The following ARL15 variants were observed in gnomAD, a reference collection of about 807,000 sequenced individuals.
ARL15 encodes the protein ARF like GTPase 15.
A neutral mutation model predicts 25.2 loss-of-function variants in ARL15; 19 were observed. The ratio of observed to expected loss-of-function variants is 0.75; its 90% CI spans 0.53 to 1.10. ARL15 has a LOEUF of 1.10. Among genes scored for constraint, ARL15 ranks in the 50% least tolerant of loss-of-function variants. The probability of loss-of-function intolerance (pLI) is 0.00; values close to 1 mark genes in which losing one functional copy is unlikely to be tolerated. For synonymous variants in ARL15, 94 were observed against 86.8 expected (o/e 1.08, Z -0.46); for missense variants, 220 against 246.0 (o/e 0.89, Z 0.71).
At chr5:54,204,024 T>C (rs1561265485) in intron 1 of ARL15, among the ~76,000 whole-genome samples, 1 of 152,128 alleles carries the variant, frequency 6.6e-6, no homozygotes, top group African/African-American at 2.4e-5. Flanking sequence ...TTTGTTTGTT[T>C]TTAATATTAT....
chr5:54,177,713 T>C (rs1579877271), intron 1 of ARL15, among the ~76,000 whole-genome samples: 1 of 152,158 alleles, frequency 6.6e-6, no homozygotes, highest in Admixed American at 6.5e-5. Flanking sequence ...ATTTCTACCT[T>C]AATGACTCCG....
intron 4 of ARL15, among the ~76,000 whole-genome samples, chr5:54,031,829 C>A (rs1296921837): frequency 2.6e-5 from 4 of 152,076 alleles, no homozygotes; most frequent in Admixed American, 2.0e-4. Context: ...CAATCCCCAA[C>A]ACACACACAC....
Position 54,016,195 on chromosome 5 carries a change from G to A in ARL15, c.462+97007C>T, listed in dbSNP as rs147539302. ...GGCTTGGTTGTTGAACATTCAGAGGGTAGAGAGAAAGTTCTCTCTCCCTTA... is the reference window on the plus strand; with the variant it reads ...GGCTTGGTTGTTGAACATTCAGAGGATAGAGAGAAAGTTCTCTCTCCCTTA... On this transcript the variant is annotated intron_variant, in intron 4 of 4. Coordinates refer to ENST00000504924, the MANE Select transcript of ARL15 (RefSeq NM_019087.3). 3.2e-4 allele frequency among the ~76,000 whole-genome samples: 48 copies of A among 152,270 alleles called. 1 individual carries two copies. The East Asian group carries it at 7.9e-3, about 25-fold the overall frequency.
chr5:53,967,695 C>G (rs138766709), intron 4 of ARL15, among the ~76,000 whole-genome samples: 12 of 152,264 alleles, frequency 7.9e-5, no homozygotes, highest in African/African-American at 2.9e-4. Flanking sequence ...TAGGAATCAT[C>G]TGCATGTGAG....
chr5:53,935,217 T>C (rs1194700757), intron 4 of ARL15, among the ~76,000 whole-genome samples: 1 of 152,186 alleles, frequency 6.6e-6, no homozygotes, highest in African/African-American at 2.4e-5. Flanking sequence ...GAAAACATAC[T>C]CATAGCCTAA....
At chr5:54,216,632 TG>T (rs1407207322) in intron 1 of ARL15, among the ~76,000 whole-genome samples, 1 of 142,194 alleles carries the variant, frequency 7.0e-6, no homozygotes, top group East Asian at 1.9e-4. Context: ...TATATGTATG[TG>T]TACACACACA....
intron 1 of ARL15, among the ~76,000 whole-genome samples, chr5:54,230,142 G>C (rs867351884): frequency 6.6e-6 from 1 of 151,970 alleles, no homozygotes; most frequent in Non-Finnish European, 1.5e-5. Context: ...ACAAGGTCAG[G>C]AGTTCAAGAC....
chr5:54,221,743 A>T (rs868541359), intron 1 of ARL15, among the ~76,000 whole-genome samples: 11 of 151,974 alleles, frequency 7.2e-5, no homozygotes, highest in African/African-American at 2.4e-4. Flanking sequence ...GATAAATAAA[A>T]TCTCTGTCAA....
Position 54,163,355 on chromosome 5 carries a change from GCTTTTTTTTTTTTTT to G in ARL15, c.193+8414_193+8428del, listed in dbSNP as rs1754470451. Among the ~76,000 whole-genome samples, 4 of 51,344 alleles carry G rather than the reference GCTTTTTTTTTTTTTT, an allele frequency of 7.8e-5. 1 individual carries two copies. The highest frequency in any genetic ancestry group is 4.3e-4 in the Admixed American group (2 of 4,680). 33.7% of individuals were successfully genotyped at this position (51,344 alleles called of 152,430 possible). A position where few individuals can be genotyped will look rare whatever the true frequency, so the allele number is the denominator to read the frequency against. On this transcript the variant is annotated intron_variant, in intron 2 of 4. Transcript: ENST00000504924. Reference sequence around the variant, plus strand: ...TGTCCATGAGGGCTATTGGTATGAAGCTTTTTTTTTTTTTTTTTTTTTTTTTTTTTTTTTTTTTTG... The same window carrying G: ...TGTCCATGAGGGCTATTGGTATGAAGTTTTTTTTTTTTTTTTTTTTTTTTG...
intron 3 of ARL15, among the ~76,000 whole-genome samples, chr5:54,145,013 TTTC>T (rs1305450473): frequency 1.3e-5 from 2 of 152,238 alleles, no homozygotes; most frequent in Admixed American, 1.3e-4. Flanking sequence ...TTTGTCTTGC[TTTC>T]TTTTCTTTGT....
intron 4 of ARL15, among the ~76,000 whole-genome samples, chr5:54,045,745 G>A (rs1452962987): frequency 1.3e-5 from 2 of 152,148 alleles, no homozygotes; most frequent in Non-Finnish European, 2.9e-5. Flanking sequence ...TGTAGGTTCA[G>A]AAATGACTTA....
intron 4 of ARL15, among the ~76,000 whole-genome samples, chr5:54,064,588 C>G (rs34910986): frequency 0.015 from 2,310 of 152,322 alleles, 20 homozygotes; most frequent in Admixed American, 0.021. Flanking sequence ...CTGAATACTT[C>G]TCCCAAGTCT....
chr5:54,002,714 G>A (rs894060946), intron 4 of ARL15, among the ~76,000 whole-genome samples: 7 of 152,186 alleles, frequency 4.6e-5, no homozygotes, highest in African/African-American at 7.2e-5. Flanking sequence ...TATTAAGTCA[G>A]GACACTGATC....
chr5:54,060,399 C>A (rs116159426), intron 4 of ARL15, among the ~76,000 whole-genome samples: 1 of 152,244 alleles, frequency 6.6e-6, no homozygotes, highest in East Asian at 1.9e-4. Flanking sequence ...CCTGCCACTG[C>A]GCAGCAGCCT....
At chr5:54,194,908 G>A (rs1027688045) in intron 1 of ARL15, among the ~76,000 whole-genome samples, 3 of 152,098 alleles carry the variant, frequency 2.0e-5, no homozygotes, top group Non-Finnish European at 2.9e-5. Context: ...TTCTAGTCAT[G>A]CTCCTTCAAA....
At chr5:54,036,020 T>C (rs1166894889) in intron 4 of ARL15, among the ~76,000 whole-genome samples, 1 of 152,072 alleles carries the variant, frequency 6.6e-6, no homozygotes, top group Non-Finnish European at 1.5e-5. Context: ...TGGTGGTGCA[T>C]GCCTACAGAG....
intron 1 of ARL15, among the ~76,000 whole-genome samples, chr5:54,192,575 A>G (rs1755436689): frequency 6.8e-6 from 1 of 146,780 alleles, no homozygotes; most frequent in Non-Finnish European, 1.5e-5. Context: ...AATTTGGCAA[A>G]TCTTATACTT....
chr5:53,986,281 T>C (rs934070642), intron 4 of ARL15, among the ~76,000 whole-genome samples: 2 of 152,156 alleles, frequency 1.3e-5, no homozygotes, highest in Non-Finnish European at 1.5e-5. Context: ...GAACAAACAA[T>C]ATACTGCTAG....
chr5:53,909,378 A>G (rs890970228), intron 4 of ARL15, among the ~76,000 whole-genome samples: 3 of 152,184 alleles, frequency 2.0e-5, no homozygotes, highest in Non-Finnish European at 4.4e-5. Context: ...ATAATAAGTG[A>G]CTATAGTTTT....
Sources: allele counts gnomAD v4.1 joint callset (sites outside exome capture counted in the v4.1 genomes callset), GRCh38; gene constraint gnomAD v4.1.1; transcripts MANE v1.5; gene names NCBI Gene and HGNC (gene_info 2026-07-23, HGNC 2026-07-21).